The following TMEM132D variants were observed in gnomAD, a reference collection of about 807,000 sequenced individuals.
TMEM132D encodes the protein transmembrane protein 132D.
Under a neutral mutation model 62.3 loss-of-function variants are expected in TMEM132D, and 21 were observed. The observed-to-expected ratio is 0.34, with a 90% confidence interval of 0.24 to 0.49. TMEM132D has a LOEUF of 0.49. TMEM132D is among the 20% of genes least tolerant of loss of function. The pLI, the probability that TMEM132D is intolerant of heterozygous loss-of-function variation, is 0.99. For missense variants in TMEM132D, 1,346 were observed against 1,402.8 expected (o/e 0.96, Z 0.65); for synonymous variants, 621 against 575.6 (o/e 1.08, Z -1.13).
chr12:129,559,251 T>G (rs750511225), intron 2 of TMEM132D, among the ~76,000 whole-genome samples: 5 of 152,200 alleles, frequency 3.3e-5, no homozygotes, highest in Non-Finnish European at 5.9e-5. Flanking sequence ...GGTATTTTTC[T>G]TAGGCAGATC....
chr12:129,355,234 T>G (rs1047867209), intron 3 of TMEM132D, among the ~76,000 whole-genome samples: 9 of 152,206 alleles, frequency 5.9e-5, no homozygotes, highest in African/African-American at 2.2e-4. Context: ...GAGTAAGAAC[T>G]ATTTAGAGCT....
intron 1 of TMEM132D, among the ~76,000 whole-genome samples, chr12:129,746,816 C>A (rs945145303): frequency 1.3e-5 from 2 of 152,088 alleles, no homozygotes; most frequent in Admixed American, 6.5e-5. Context: ...CCTTTCCCAG[C>A]CTCCCCGACT....
chr12:129,510,485 C>T (rs763632797), intron 3 of TMEM132D, among the ~76,000 whole-genome samples: 21 of 152,096 alleles, frequency 1.4e-4, no homozygotes, highest in East Asian at 3.9e-4. Context: ...CCTATCTGTC[C>T]GTGTTTGCTT....
At chr12:129,247,686 G>C (rs1197615910) in intron 4 of TMEM132D, among the ~76,000 whole-genome samples, 1 of 152,206 alleles carries the variant, frequency 6.6e-6, no homozygotes, top group Non-Finnish European at 1.5e-5. Flanking sequence ...TCAGCCCAAC[G>C]AGGGTTCTGC....
At chr12:129,694,079 AT>A in intron 2 of TMEM132D, among the ~76,000 whole-genome samples, 1 of 152,314 alleles carries the variant, frequency 6.6e-6, no homozygotes, top group South Asian at 2.1e-4. Context: ...TTCTTTTGCA[AT>A]ACATTGCTCT....
At chr12:129,089,112 CG>C (rs200560904) in intron 5 of TMEM132D, among the ~76,000 whole-genome samples, 3 of 48,280 alleles carry the variant, frequency 6.2e-5, no homozygotes, top group Admixed American at 2.3e-4. Flanking sequence ...CCTCCATGAC[CG>C]GGGTGTCCTC....
In TMEM132D at chr12:129,864,559, G is replaced by A. The variant is rs536301884; in HGVS notation, c.79+38702C>T. Among the ~76,000 whole-genome samples, 27 of 152,234 alleles carry A rather than the reference G, an allele frequency of 1.8e-4. No individual in the cohort carries two copies. In the South Asian group the frequency reaches 5.4e-3, roughly 30 times the overall value. On this transcript the variant is annotated intron_variant, in intron 1 of 8. Transcript: ENST00000422113. ...AACCTGAAGTTTGGAGGATGTAATT[G>A]GAGACCTGCTGGAAGCCACCACATA...
chr12:129,689,875 A>C (rs947374985), intron 2 of TMEM132D, among the ~76,000 whole-genome samples: 1 of 152,238 alleles, frequency 6.6e-6, no homozygotes, highest in Non-Finnish European at 1.5e-5. Flanking sequence ...AGGAGGAAAA[A>C]CTGAAAAGCA....
At chr12:129,794,873 C>A (rs555043931) in intron 1 of TMEM132D, among the ~76,000 whole-genome samples, 1 of 152,022 alleles carries the variant, frequency 6.6e-6, no homozygotes, top group Non-Finnish European at 1.5e-5. Flanking sequence ...TTTCCTCCTG[C>A]GTAAATAGGA....
chr12:129,859,032 G>A (rs1230396612), intron 1 of TMEM132D, among the ~76,000 whole-genome samples: 2 of 150,576 alleles, frequency 1.3e-5, no homozygotes, highest in Non-Finnish European at 3.0e-5. Flanking sequence ...ACGGAGTCCG[G>A]GGGAACGGGA....
intron 2 of TMEM132D, among the ~76,000 whole-genome samples, chr12:129,608,342 T>C (rs1423305979): frequency 6.6e-6 from 1 of 152,128 alleles, no homozygotes; most frequent in Non-Finnish European, 1.5e-5. Context: ...CCCAACCTAA[T>C]TTCAGTCTGG....
chr12:129,902,875 C>T (rs1424104955), intron 1 of TMEM132D, among the ~76,000 whole-genome samples: 1 of 152,232 alleles, frequency 6.6e-6, no homozygotes, highest in Admixed American at 6.5e-5. Flanking sequence ...CCAGAAATCT[C>T]CCTGGTCATC....
intron 3 of TMEM132D, among the ~76,000 whole-genome samples, chr12:129,445,512 C>A (rs540992571): frequency 6.6e-6 from 1 of 152,216 alleles, no homozygotes; most frequent in African/African-American, 2.4e-5. Flanking sequence ...ATTCTGGGGA[C>A]TGTCTTTTCA....
At chr12:129,182,428 A>T (rs952119561) in intron 5 of TMEM132D, among the ~76,000 whole-genome samples, 1 of 152,206 alleles carries the variant, frequency 6.6e-6, no homozygotes, top group Non-Finnish European at 1.5e-5. Context: ...CAACCAGAAC[A>T]TAGGCAAGTC....
intron 1 of TMEM132D, among the ~76,000 whole-genome samples, chr12:129,721,465 C>G (rs10847928): frequency 0.82 from 124,635 of 151,836 alleles, 51,758 homozygotes; most frequent in Non-Finnish European, 0.9. Context: ...CTGCCCAGAA[C>G]GGGGAAGCTT....
intron 3 of TMEM132D, among the ~76,000 whole-genome samples, chr12:129,385,120 G>A (rs911984179): frequency 4.4e-5 from 4 of 90,392 alleles, no homozygotes; most frequent in Non-Finnish European, 8.1e-5. Context: ...TTGAGACGTC[G>A]TTTTGCTCTT....
At chr12:129,280,043 A>T (rs1397616473) in intron 4 of TMEM132D, among the ~76,000 whole-genome samples, 1 of 152,254 alleles carries the variant, frequency 6.6e-6, no homozygotes. Context: ...ATTACACTTT[A>T]TCCATTAGTA....
intron 3 of TMEM132D, among the ~76,000 whole-genome samples, chr12:129,428,242 T>C (rs1484638916): frequency 6.6e-6 from 1 of 152,202 alleles, no homozygotes; most frequent in East Asian, 1.9e-4. Flanking sequence ...AATGGGATAA[T>C]TCAGCATCCA....
chr12:129,186,066 C>A (rs1164612518), intron 5 of TMEM132D, among the ~76,000 whole-genome samples: 1 of 152,192 alleles, frequency 6.6e-6, no homozygotes, highest in Admixed American at 6.5e-5. Context: ...GACCACAGAC[C>A]ACAGAGATGT....
Sources: gnomAD v4.1 joint callset for allele counts (sites outside exome capture counted in the v4.1 genomes callset) on GRCh38, gnomAD v4.1.1 for gene constraint, MANE v1.5 for transcripts, NCBI Gene and HGNC (gene_info 2026-07-23, HGNC 2026-07-21) for gene names.